The following RALGAPA1 variants were observed in gnomAD, a reference collection of about 807,000 sequenced individuals.
The protein encoded by RALGAPA1 is ral GTPase-activating protein subunit alpha-1.
Under a neutral mutation model 269.6 loss-of-function variants are expected in RALGAPA1, and 52 were observed. The observed-to-expected ratio is 0.19, with a 90% CI of 0.15 to 0.24. The LOEUF is 0.24. RALGAPA1 is among the 10% of genes least tolerant of loss of function. The pLI, the probability that RALGAPA1 is intolerant of heterozygous loss-of-function variation, is 1.00. For synonymous variants in RALGAPA1, 817 were observed against 1,008.3 expected (o/e 0.81, Z 3.60); for missense variants, 1,917 against 3,013.9 (o/e 0.64, Z 8.52).
intron 39 of RALGAPA1, among the ~76,000 whole-genome samples, chr14:35,550,156 A>G (rs192588746): frequency 1.3e-5 from 2 of 152,350 alleles, no homozygotes; most frequent in East Asian, 3.9e-4. Context: ...CACGAAAGCA[A>G]CTATGGAAAT....
intron 41 of RALGAPA1, among the ~76,000 whole-genome samples, chr14:35,541,040 A>ATTTTTTTTTTTTTTTTTTG (rs2053925773): frequency 1.1e-5 from 1 of 89,164 alleles, no homozygotes; most frequent in Non-Finnish European, 2.0e-5. Flanking sequence ...GAACACTTCA[A>ATTTTTTTTTTTTTTTTTTG]TTTTTTTTTT....
chr14:35,785,263 T>C lies in RALGAPA1; in HGVS notation c.107-9518A>G, dbSNP rs754428924. Among the ~76,000 whole-genome samples the C allele has an allele frequency of 6.4e-4, 98 of 152,334 alleles. 1 individual carries two copies. Among genetic ancestry groups the C allele is most frequent in the Non-Finnish European group, 1.8e-4 (12 of 68,024 alleles). On this transcript the variant is annotated intron_variant, in intron 1 of 41. Transcript: ENST00000680220. ...TGCACAATGCAAATACTTTAAATTA[T>C]AAAATGTGTTTAATAAAAATAATTA...
intron 16 of RALGAPA1, among the ~76,000 whole-genome samples, chr14:35,703,408 G>C (rs957349363): frequency 6.6e-6 from 1 of 152,180 alleles, no homozygotes; most frequent in Non-Finnish European, 1.5e-5. Context: ...GAGCCCAGGA[G>C]GTCAACGCTA....
chr14:35,603,215 G>T (rs907439053), intron 36 of RALGAPA1, among the ~76,000 whole-genome samples: 1 of 152,098 alleles, frequency 6.6e-6, no homozygotes, highest in East Asian at 1.9e-4. Flanking sequence ...TTGAAATCAA[G>T]AAGTGTAAAT....
intron 31 of RALGAPA1, among the ~76,000 whole-genome samples, chr14:35,644,014 A>C (rs2062210736): frequency 6.6e-6 from 1 of 152,232 alleles, no homozygotes; most frequent in Non-Finnish European, 1.5e-5. Flanking sequence ...TGAATTGTAC[A>C]TTTAAAAATA....
At chr14:35,694,675 AC>A (rs1454312667) in intron 17 of RALGAPA1, among the ~76,000 whole-genome samples, 1 of 152,056 alleles carries the variant, frequency 6.6e-6, no homozygotes, top group African/African-American at 2.4e-5. Context: ...AACATAAACT[AC>A]CAATACATTT....
chr14:35,779,678 C>T (rs772642822), intron 1 of RALGAPA1, among the ~76,000 whole-genome samples: 20 of 151,810 alleles, frequency 1.3e-4, no homozygotes, highest in Non-Finnish European at 2.5e-4. Context: ...AGAACAATAA[C>T]AAAGCAAACC....
At chr14:35,553,269 A>C (rs1381150661) in intron 39 of RALGAPA1, among the ~76,000 whole-genome samples, 1 of 152,146 alleles carries the variant, frequency 6.6e-6, no homozygotes, top group Non-Finnish European at 1.5e-5. Flanking sequence ...ATTCATGTGC[A>C]AGAACTCTTT....
At chr14:35,615,418 T>G (rs2060189175) in intron 35 of RALGAPA1, among the ~76,000 whole-genome samples, 1 of 152,184 alleles carries the variant, frequency 6.6e-6, no homozygotes, top group African/African-American at 2.4e-5. Context: ...AAGTAATCTT[T>G]CATTTTCTCC....
chr14:35,660,762 A>G (rs938290707), intron 27 of RALGAPA1, among the ~76,000 whole-genome samples: 4 of 152,164 alleles, frequency 2.6e-5, no homozygotes, highest in African/African-American at 9.6e-5. Context: ...ATGAATACAC[A>G]TAAAATAGAA....
At chr14:35,570,035 C>T (rs371994705) in intron 39 of RALGAPA1, among the ~76,000 whole-genome samples, 3 of 147,424 alleles carry the variant, frequency 2.0e-5, no homozygotes, top group South Asian at 2.2e-4. Context: ...TTTGGGAGGC[C>T]GAGGCGGGCG....
intron 1 of RALGAPA1, among the ~76,000 whole-genome samples, chr14:35,796,575 G>A (rs1033900294): frequency 6.6e-6 from 1 of 151,944 alleles, no homozygotes; most frequent in African/African-American, 2.4e-5. Context: ...ACTAACCAAG[G>A]CATATGATAA....
At chr14:35,751,530 TC>T (rs1409767970) in intron 8 of RALGAPA1, among the ~76,000 whole-genome samples, 1 of 152,082 alleles carries the variant, frequency 6.6e-6, no homozygotes, top group Non-Finnish European at 1.5e-5. Context: ...ATGCTTATAA[TC>T]CCAGCACTTT....
intron 31 of RALGAPA1, among the ~76,000 whole-genome samples, chr14:35,638,578 AAAC>A (rs1420490853): frequency 6.6e-6 from 1 of 152,180 alleles, no homozygotes; most frequent in African/African-American, 2.4e-5. Context: ...GAAGCCTGAA[AAAC>A]AACAAGAAAA....
intron 37 of RALGAPA1, among the ~76,000 whole-genome samples, chr14:35,593,546 AG>A (rs1280937169): frequency 6.6e-6 from 1 of 152,110 alleles, no homozygotes; most frequent in Non-Finnish European, 1.5e-5. Flanking sequence ...AAAAACACAA[AG>A]GGGCATCATA....
At chr14:35,781,843 G>A (rs754897160) in intron 1 of RALGAPA1, among the ~76,000 whole-genome samples, 12 of 152,118 alleles carry the variant, frequency 7.9e-5, no homozygotes, top group Non-Finnish European at 1.3e-4. Context: ...CTGATAACAG[G>A]TATCTATGAA....
chr14:35,644,683 A>T (rs1157576957), intron 31 of RALGAPA1, among the ~76,000 whole-genome samples: 1 of 152,182 alleles, frequency 6.6e-6, no homozygotes, highest in Non-Finnish European at 1.5e-5. Flanking sequence ...TGGAGCAGGG[A>T]GTTACAAATA....
intron 18 of RALGAPA1, among the ~76,000 whole-genome samples, chr14:35,686,933 A>C (rs2065990368): frequency 6.6e-6 from 1 of 152,212 alleles, no homozygotes; most frequent in Admixed American, 6.5e-5. Context: ...AGTTAGGTTA[A>C]TATTGCCTAT....
At chr14:35,611,671 G>A (rs1183736414) in intron 35 of RALGAPA1, among the ~76,000 whole-genome samples, 3 of 151,902 alleles carry the variant, frequency 2.0e-5, no homozygotes, top group Non-Finnish European at 4.4e-5. Context: ...GGAGTTCCAG[G>A]CTGCAGTGAG....
Sources: gnomAD v4.1 joint callset for allele counts (sites outside exome capture counted in the v4.1 genomes callset) on GRCh38, gnomAD v4.1.1 for gene constraint, MANE v1.5 for transcripts, NCBI Gene and HGNC (gene_info 2026-07-23, HGNC 2026-07-21) for gene names.